CCSER1: variants seen among roughly 807,000 people sequenced by gnomAD.
CCSER1 encodes the protein coiled-coil serine rich protein 1, also known as serine-rich coiled-coil domain-containing protein 1.
CCSER1 carries 41 observed loss-of-function variants against 82.0 expected under a neutral mutation model. That is an observed-to-expected ratio of 0.50 (90% confidence interval 0.39 to 0.65). The LOEUF (loss-of-function observed/expected upper bound fraction) is 0.65. CCSER1 is among the 30% of genes least tolerant of loss of function. The pLI is 0.00. For synonymous variants in CCSER1, 414 were observed against 383.9 expected (o/e 1.08, Z -0.92); for missense variants, 1,119 against 1,064.2 (o/e 1.05, Z -0.72).
At chr4:90,243,974 T>C (rs1338369453) in intron 1 of CCSER1, among the ~76,000 whole-genome samples, 1 of 152,160 alleles carries the variant, frequency 6.6e-6, no homozygotes, top group Non-Finnish European at 1.5e-5. Context: ...ACTTTGCTTC[T>C]TAACTAGAAT....
At chr4:90,650,657 A>G (rs1286898846) in intron 6 of CCSER1, among the ~76,000 whole-genome samples, 1 of 152,160 alleles carries the variant, frequency 6.6e-6, no homozygotes, top group Non-Finnish European at 1.5e-5. Context: ...GCTTCTTGGT[A>G]TCAATTTTGC....
chr4:90,631,416 G>T (rs1724399864), intron 6 of CCSER1, among the ~76,000 whole-genome samples: 1 of 152,048 alleles, frequency 6.6e-6, no homozygotes, highest in Non-Finnish European at 1.5e-5. Flanking sequence ...TGCTAATAAA[G>T]GTACACCTTT....
intron 5 of CCSER1, among the ~76,000 whole-genome samples, chr4:90,544,849 T>A (rs1776570066): frequency 6.6e-6 from 1 of 152,114 alleles, no homozygotes; most frequent in African/African-American, 2.4e-5. Flanking sequence ...ATTTGGGCGA[T>A]GTTAAATTAT....
chr4:90,663,196 G>T (rs913888804), intron 6 of CCSER1, among the ~76,000 whole-genome samples: 1 of 152,062 alleles, frequency 6.6e-6, no homozygotes, highest in African/African-American at 2.4e-5. Flanking sequence ...ATAATAAATT[G>T]TGTTAATCCA....
At chr4:91,507,577 C>T (rs2110107251) in intron 10 of CCSER1, among the ~76,000 whole-genome samples, 1 of 151,866 alleles carries the variant, frequency 6.6e-6, no homozygotes, top group East Asian at 1.9e-4. Context: ...CATCTATTCA[C>T]ATCTTTTGCC....
intron 10 of CCSER1, among the ~76,000 whole-genome samples, chr4:91,541,412 T>C (rs1367774759): frequency 6.6e-6 from 1 of 152,202 alleles, no homozygotes; most frequent in African/African-American, 2.4e-5. Flanking sequence ...AGGTGTGTGA[T>C]GTTCCCCTTC....
intron 10 of CCSER1, among the ~76,000 whole-genome samples, chr4:91,530,895 C>G (rs777993760): frequency 6.6e-6 from 1 of 152,034 alleles, no homozygotes; most frequent in Non-Finnish European, 1.5e-5. Context: ...CCATGTTGAT[C>G]AGGCTGGTCT....
intron 10 of CCSER1, among the ~76,000 whole-genome samples, chr4:91,383,185 C>T (rs1271339405): frequency 6.6e-6 from 1 of 152,088 alleles, no homozygotes; most frequent in Admixed American, 6.6e-5. Flanking sequence ...GCTACCAAAC[C>T]TGCAATATTG....
At chr4:91,082,657 C>T (rs1033535814) in intron 9 of CCSER1, among the ~76,000 whole-genome samples, 76 of 152,086 alleles carry the variant, frequency 5.0e-4, no homozygotes, top group Middle Eastern at 3.4e-3. Flanking sequence ...TTACAATCTA[C>T]CCATCTGACA....
rs1408711284 is a variant in CCSER1, at chr4:91,198,156, T to C, written c.2217+112162T>C. On this transcript the variant is annotated intron_variant, in intron 10 of 10. Coordinates refer to ENST00000509176, the MANE Select transcript of CCSER1 (RefSeq NM_001145065.2). Reference sequence around the variant, plus strand: ...CAGATAATTGAACATATTTTTACTTTATACATTATTTCATTTTGCATTACT... The same window carrying C: ...CAGATAATTGAACATATTTTTACTTCATACATTATTTCATTTTGCATTACT... Among the ~76,000 whole-genome samples the C allele has an allele frequency of 2.6e-5, 4 of 152,158 alleles. No homozygotes were observed. The East Asian group carries it at 7.7e-4, about 29-fold the overall frequency.
intron 10 of CCSER1, among the ~76,000 whole-genome samples, chr4:91,485,169 T>G (rs1352773605): frequency 1.3e-5 from 2 of 151,664 alleles, no homozygotes; most frequent in Admixed American, 6.6e-5. Flanking sequence ...AAAAAAAAAA[T>G]GAATAGGAAA....
At chr4:90,978,114 C>T (rs1003670367) in intron 9 of CCSER1, among the ~76,000 whole-genome samples, 1 of 151,544 alleles carries the variant, frequency 6.6e-6, no homozygotes, top group South Asian at 2.1e-4. Context: ...CAAATATTTT[C>T]ATATAATGCT....
chr4:90,374,071 T>A (rs1561120923), intron 3 of CCSER1, among the ~76,000 whole-genome samples: 1 of 152,254 alleles, frequency 6.6e-6, no homozygotes, highest in Admixed American at 6.5e-5. Flanking sequence ...TGTAGCAGGC[T>A]AACTTATTAG....
chr4:90,327,623 G>C (rs1039650543), intron 3 of CCSER1, among the ~76,000 whole-genome samples: 5 of 152,024 alleles, frequency 3.3e-5, no homozygotes, highest in Non-Finnish European at 7.4e-5. Flanking sequence ...ATGTACTTTA[G>C]CCATTATAAT....
intron 10 of CCSER1, among the ~76,000 whole-genome samples, chr4:91,241,553 C>T (rs75077559): frequency 0.12 from 18,032 of 149,898 alleles, 1,265 homozygotes; most frequent in Middle Eastern, 0.16. Context: ...GTCTCGATCT[C>T]CTGACCTCTT....
chr4:90,554,306 G>T (rs765422928), intron 5 of CCSER1, among the ~76,000 whole-genome samples: 2 of 152,174 alleles, frequency 1.3e-5, no homozygotes, highest in South Asian at 2.1e-4. Flanking sequence ...CGAAGCCTCA[G>T]GGAGCCATGG....
intron 8 of CCSER1, among the ~76,000 whole-genome samples, chr4:90,874,634 A>G (rs568227835): frequency 2.0e-5 from 3 of 152,294 alleles, no homozygotes; most frequent in Admixed American, 1.3e-4. Flanking sequence ...GAATTCAACA[A>G]ATGCTTATAG....
At chr4:91,208,529 A>C (rs1179005948) in intron 10 of CCSER1, among the ~76,000 whole-genome samples, 1 of 151,696 alleles carries the variant, frequency 6.6e-6, no homozygotes, top group Admixed American at 6.6e-5. Context: ...CAAACATCAG[A>C]TGGTTGTAGG....
At chr4:90,918,060 TG>T (rs1727767874) in intron 8 of CCSER1, among the ~76,000 whole-genome samples, 1 of 152,132 alleles carries the variant, frequency 6.6e-6, no homozygotes, top group African/African-American at 2.4e-5. Flanking sequence ...AACTTTCTTT[TG>T]CAAATTTTGG....
Sources: allele counts gnomAD v4.1 joint callset (sites outside exome capture counted in the v4.1 genomes callset), GRCh38; gene constraint gnomAD v4.1.1; transcripts MANE v1.5; gene names NCBI Gene and HGNC (gene_info 2026-07-23, HGNC 2026-07-21).